MCPH1: variants seen among roughly 807,000 people sequenced by gnomAD.
MCPH1 encodes microcephalin.
MCPH1 carries 104 observed loss-of-function variants against 84.5 expected under a neutral mutation model. That is an observed-to-expected ratio of 1.23 (90% CI 1.05 to 1.45). The LOEUF (loss-of-function observed/expected upper bound fraction) is 1.45, where lower values mean the gene tolerates loss of function less well. Among genes scored for constraint, MCPH1 ranks in the 40% most tolerant of loss-of-function variants. The pLI, the probability that MCPH1 is intolerant of heterozygous loss-of-function variation, is 0.00. For synonymous variants in MCPH1, 514 were observed against 366.8 expected (o/e 1.40, Z -4.58); for missense variants, 1,498 against 1,005.7 (o/e 1.49, Z -6.62).
At chr8:6,572,174 G>T (rs558677999) in intron 12 of MCPH1, among the ~76,000 whole-genome samples, 2 of 64,276 alleles carry the variant, frequency 3.1e-5, no homozygotes, top group Admixed American at 2.2e-4. Context: ...TCTTGACATC[G>T]GTTTCCCTCA....
At chr8:6,432,542 G>C (rs1421526806) in intron 4 of MCPH1, among the ~76,000 whole-genome samples, 5 of 152,284 alleles carry the variant, frequency 3.3e-5, no homozygotes, top group African/African-American at 9.6e-5. Context: ...TTCTAATTGT[G>C]ATTTCTTTAT....
chr8:6,533,775 A>G (rs893432908), intron 12 of MCPH1, among the ~76,000 whole-genome samples: 2 of 152,090 alleles, frequency 1.3e-5, no homozygotes, highest in Non-Finnish European at 2.9e-5. Flanking sequence ...AGAATTCTTT[A>G]TAGAGAAACC....
At position 6,423,185 on chromosome 8, in the gene MCPH1, CTTTTCTTTT is replaced by C. The variant is rs1235592525; in HGVS notation, c.233+8307_234-8301del. Among the ~76,000 whole-genome samples, 9 of 110,804 alleles carry C rather than the reference CTTTTCTTTT, an allele frequency of 8.1e-5. 1 individual carries two copies. The highest frequency in any genetic ancestry group is 1.0e-4 in the Admixed American group (1 of 9,630). 72.7% of individuals were successfully genotyped at this position (110,804 alleles called of 152,430 possible). ...CTTAATCTTTTGGCATTTTTCTTTT[CTTTTCTTTT>C]TTTTTTTTTTTTTGAAACTGAGTCT... On this transcript the variant is annotated intron_variant, in intron 3 of 13. Coordinates refer to ENST00000344683, the MANE Select transcript of MCPH1 (RefSeq NM_024596.5).
At chr8:6,517,283 C>T (rs2129568401) in intron 12 of MCPH1, among the ~76,000 whole-genome samples, 1 of 152,282 alleles carries the variant, frequency 6.6e-6, no homozygotes, top group South Asian at 2.1e-4. Context: ...TTCTATAAAG[C>T]TTGATGTTTT....
At chr8:6,424,366 A>G (rs1321288499) in intron 3 of MCPH1, among the ~76,000 whole-genome samples, 3 of 152,182 alleles carry the variant, frequency 2.0e-5, no homozygotes, top group Admixed American at 6.5e-5. Context: ...ACCGAAGGCC[A>G]TCACCCCCTG....
intron 13 of MCPH1, chr8:6,627,317 A>G: frequency 1.0e-6 from 1 of 982,892 alleles, no homozygotes; most frequent in South Asian, 4.7e-5. Context: ...GAAGCTGTGG[A>G]GAGTGGCAGA....
intron 12 of MCPH1, among the ~76,000 whole-genome samples, chr8:6,524,741 C>G (rs914416115): frequency 6.6e-6 from 1 of 152,134 alleles, no homozygotes; most frequent in Non-Finnish European, 1.5e-5. Flanking sequence ...TGAATGTCTC[C>G]CTTGAGGAAA....
intron 12 of MCPH1, among the ~76,000 whole-genome samples, chr8:6,594,248 A>C (rs966980858): frequency 1.3e-5 from 2 of 152,158 alleles, no homozygotes; most frequent in Non-Finnish European, 2.9e-5. Context: ...GTTTCTATTA[A>C]AGGGTTCTTT....
chr8:6,522,126 C>T (rs1164412407), intron 12 of MCPH1, among the ~76,000 whole-genome samples: 1 of 152,110 alleles, frequency 6.6e-6, no homozygotes, highest in Non-Finnish European at 1.5e-5. Flanking sequence ...GAGGCCGAGG[C>T]GGGCGGATCA....
chr8:6,452,616 A>C (rs1261882010), intron 8 of MCPH1, among the ~76,000 whole-genome samples: 1 of 152,208 alleles, frequency 6.6e-6, no homozygotes, highest in African/African-American at 2.4e-5. Flanking sequence ...TTGGAAGATA[A>C]TTAGGTTTAG....
At chr8:6,555,905 T>A (rs1441879678) in intron 12 of MCPH1, among the ~76,000 whole-genome samples, 2 of 152,180 alleles carry the variant, frequency 1.3e-5, no homozygotes, top group African/African-American at 4.8e-5. Context: ...CTTGTTTTCC[T>A]AGCAGCTTCA....
At chr8:6,450,810 G>A (rs528966775) in intron 8 of MCPH1, among the ~76,000 whole-genome samples, 95 of 152,100 alleles carry the variant, frequency 6.2e-4, no homozygotes, top group African/African-American at 2.3e-3. Context: ...TGACATGATC[G>A]CAGCTCAATG....
chr8:6,428,221 A>C (rs181158393), intron 3 of MCPH1, among the ~76,000 whole-genome samples: 19 of 151,736 alleles, frequency 1.3e-4, no homozygotes, highest in Non-Finnish European at 2.5e-4. Flanking sequence ...TATCTTTATC[A>C]GCTTTTTCTA....
rs1209123744 is a variant in MCPH1, at chr8:6,643,873, C to G, written c.*824C>G. ...CTGCTTTATGGTGAGCAAAGCATCA[C>G]CAGCAAGTGATCACAATGTCCACTG... On this transcript the variant is annotated 3_prime_UTR_variant, in exon 14 of 14. Coordinates refer to ENST00000344683, the MANE Select transcript of MCPH1 (RefSeq NM_024596.5). 6.6e-6 allele frequency: 1 copy of G among 152,310 alleles called. No individual in the cohort carries two copies. Among genetic ancestry groups the G allele is most frequent in the Middle Eastern group, 3.4e-3 (1 of 294 alleles). The allele number at this position is 152,310 out of a possible 1,614,324, so 9.4% of individuals were successfully genotyped here.
At position 6,527,493 on chromosome 8, in the gene MCPH1, C is replaced by T. The variant is rs1390553504; in HGVS notation, c.2214+27564C>T. ...CATTCTGATAATTCATCATTTGAGACCGACTTTCATATCTGGAAAGTGTGC... is the reference window on the plus strand; with the variant it reads ...CATTCTGATAATTCATCATTTGAGATCGACTTTCATATCTGGAAAGTGTGC... On this transcript the variant is annotated intron_variant, in intron 12 of 13. Transcript: ENST00000344683. 4 of 1,571,720 alleles carry T rather than the reference C, an allele frequency of 2.5e-6. No homozygotes were observed. In the Admixed American group the frequency reaches 5.2e-5, roughly 20 times the overall value.
intron 11 of MCPH1, among the ~76,000 whole-genome samples, chr8:6,495,138 T>C (rs1013609442): frequency 6.6e-6 from 1 of 152,210 alleles, no homozygotes; most frequent in Non-Finnish European, 1.5e-5. Context: ...TTTTCTGGCT[T>C]GAAAATGCTT....
At chr8:6,538,638 C>T (rs1489314851) in intron 12 of MCPH1, among the ~76,000 whole-genome samples, 3 of 152,206 alleles carry the variant, frequency 2.0e-5, no homozygotes, top group East Asian at 1.9e-4. Flanking sequence ...CCTCAGGTCC[C>T]ACCATCCCCC....
chr8:6,599,849 A>G (rs2442568), intron 12 of MCPH1, among the ~76,000 whole-genome samples: 139,721 of 152,336 alleles, frequency 0.92, 65,314 homozygotes, highest in East Asian at 1. Flanking sequence ...TTGCTCCCAT[A>G]TACCAATTTT....
At chr8:6,408,885 T>C (rs1219366941) in intron 1 of MCPH1, among the ~76,000 whole-genome samples, 1 of 5,232 alleles carries the variant, frequency 1.9e-4, no homozygotes, top group Non-Finnish European at 2.3e-3. Flanking sequence ...TTTGTTTTAC[T>C]TTTTTCTTTT....
Sources: gnomAD v4.1 joint callset for allele counts (sites outside exome capture counted in the v4.1 genomes callset) on GRCh38, gnomAD v4.1.1 for gene constraint, MANE v1.5 for transcripts, NCBI Gene and HGNC (gene_info 2026-07-23, HGNC 2026-07-21) for gene names.